Variants in SLC17A6 observed in about 807,000 individuals in gnomAD.
The protein encoded by SLC17A6 is vesicular glutamate transporter 2.
SLC17A6 carries 35 observed loss-of-function variants against 67.1 expected under a neutral mutation model. The observed-to-expected ratio is 0.52, with a 90% CI of 0.40 to 0.69. SLC17A6 has a LOEUF of 0.69. Among genes scored for constraint, SLC17A6 ranks in the 30% least tolerant of loss-of-function variants. The pLI is 0.00. For missense variants in SLC17A6, 588 were observed against 723.9 expected, an observed-to-expected ratio of 0.81 and a Z score of 2.15; for synonymous variants, 285 against 252.3, an observed-to-expected ratio of 1.13 and a Z score of -1.23.
chr11:22,369,937 T>C, intron 7 of SLC17A6, 102 bp from the exon 8 acceptor site: 2 of 1,073,064 alleles, frequency 1.9e-6, no homozygotes, highest in Non-Finnish European at 2.7e-6. Context: ...TTCCTACTTA[T>C]GACCTGTCAT....
chr11:22,350,341 T>C (rs1186176955), intron 3 of SLC17A6, among the ~76,000 whole-genome samples: 5 of 152,036 alleles, frequency 3.3e-5, no homozygotes. Context: ...TTTCATACTG[T>C]AAAAGAAGGG....
chr11:22,346,865 T>C (rs539585552), intron 3 of SLC17A6, among the ~76,000 whole-genome samples: 2 of 149,104 alleles, frequency 1.3e-5, no homozygotes, highest in Non-Finnish European at 3.0e-5. Context: ...ATATACATTT[T>C]TTTTGCAAAA....
rs76229639 is a variant in SLC17A6, at chr11:22,376,709, C to T, written c.1413+37C>T. The T allele has an allele frequency of 4.0e-3, 6,412 of 1,607,182 alleles. 255 individuals carry two copies. The East Asian group carries it at 0.097, about 24-fold the overall frequency. The stretch of plus-strand genomic sequence containing the variant: ...AAAACAGATGTTTAGTCATAGAAGA[C>T]AGTTTCTCAAAATGATAATCTTTTT... On this transcript the variant is annotated intron_variant, in intron 11 of 11. Coordinates refer to ENST00000263160, the MANE Select transcript of SLC17A6 (RefSeq NM_020346.3).
chr11:22,375,569 C>T (rs1003516519), intron 9 of SLC17A6, among the ~76,000 whole-genome samples: 1 of 151,736 alleles, frequency 6.6e-6, no homozygotes. Flanking sequence ...CAACCCCCGC[C>T]TCCCGGGTTC....
Position 22,365,532 on chromosome 11 carries a change from A to G in SLC17A6, c.749-15A>G, listed in dbSNP as rs547121217. On this transcript the variant is annotated splice_polypyrimidine_tract_variant and intron_variant, in intron 6 of 11. Coordinates refer to ENST00000263160, the MANE Select transcript of SLC17A6 (RefSeq NM_020346.3). Reference sequence around the variant, plus strand: ...AAATGGAAGTGACTTTCTCCTTCTGAACTGTTGCTTGCAGGAAGCTTTGGA... The same window carrying G: ...AAATGGAAGTGACTTTCTCCTTCTGGACTGTTGCTTGCAGGAAGCTTTGGA... 5.3e-5 allele frequency: 85 copies of G among 1,613,758 alleles called. 1 individual carries two copies. The South Asian group carries it at 9.0e-4, about 17-fold the overall frequency.
intron 3 of SLC17A6, among the ~76,000 whole-genome samples, chr11:22,349,752 G>A (rs1445878540): frequency 6.6e-6 from 1 of 152,146 alleles, no homozygotes; most frequent in Admixed American, 6.5e-5. Flanking sequence ...ATGTATCAAG[G>A]GACTCAGAGG....
chr11:22,355,189 A>G (rs983596456), intron 3 of SLC17A6, among the ~76,000 whole-genome samples: 6 of 152,212 alleles, frequency 3.9e-5, no homozygotes, highest in East Asian at 1.9e-4. Context: ...TCACTCAGTA[A>G]TAAGTGTCAG....
At chr11:22,344,725 T>C (rs887739694) in intron 3 of SLC17A6, among the ~76,000 whole-genome samples, 1 of 152,234 alleles carries the variant, frequency 6.6e-6, no homozygotes, top group Non-Finnish European at 1.5e-5. Context: ...GGACACTTGA[T>C]GAAACTCATT....
intron 3 of SLC17A6, among the ~76,000 whole-genome samples, chr11:22,359,188 T>A (rs1040317379): frequency 3.3e-5 from 5 of 152,228 alleles, no homozygotes; most frequent in African/African-American, 1.2e-4. Flanking sequence ...TATTGACTCC[T>A]TTTATTTTTT....
chr11:22,356,561 A>G lies in SLC17A6; in HGVS notation c.459-2852A>G, dbSNP rs1007123200. ...AGATAAAGAAATTAAGAGACCAGGCATGGTGGCTCACACCTCTAATCTCAG... is the reference window on the plus strand; with the variant it reads ...AGATAAAGAAATTAAGAGACCAGGCGTGGTGGCTCACACCTCTAATCTCAG... On this transcript the variant is annotated intron_variant, in intron 3 of 11. Transcript: ENST00000263160. Among the ~76,000 whole-genome samples, 5 of 152,216 alleles carry G rather than the reference A, an allele frequency of 3.3e-5. 1 individual carries two copies. The highest frequency in any genetic ancestry group is 2.6e-4 in the Admixed American group (4 of 15,280).
At chr11:22,352,380 G>C (rs145026755) in intron 3 of SLC17A6, among the ~76,000 whole-genome samples, 33 of 152,270 alleles carry the variant, frequency 2.2e-4, no homozygotes, top group Admixed American at 2.1e-3. Flanking sequence ...GAATTGATAG[G>C]ATACCCAGAA....
At chr11:22,362,880 A>C (rs567193661) in intron 6 of SLC17A6, 55 bp downstream of exon 6, 2 of 1,353,650 alleles carry the variant, frequency 1.5e-6, no homozygotes, top group African/African-American at 1.4e-5. Context: ...GGCTAAAAGA[A>C]AATGGTTGCA....
rs554221575 is a variant in SLC17A6, at chr11:22,345,666, A to T, written c.458+2301A>T. ...CATGAACCTATAGAAAATTATAGAG[A>T]TCAACTACCTTATCTTGCCTGAAGA... is the stretch of plus-strand genomic sequence containing the variant. On this transcript the variant is annotated intron_variant, in intron 3 of 11. Coordinates refer to ENST00000263160, the MANE Select transcript of SLC17A6 (RefSeq NM_020346.3). Among the ~76,000 whole-genome samples the T allele has an allele frequency of 8.5e-5, 13 of 152,308 alleles. 1 individual carries two copies. The South Asian group carries it at 2.7e-3, about 32-fold the overall frequency.
At chr11:22,374,017 C>T (rs937673189) in intron 8 of SLC17A6, among the ~76,000 whole-genome samples, 3 of 152,170 alleles carry the variant, frequency 2.0e-5, no homozygotes, top group Admixed American at 6.5e-5. Flanking sequence ...ATTAAGTCCA[C>T]GTATGCGGTA....
intron 7 of SLC17A6, among the ~76,000 whole-genome samples, chr11:22,368,757 A>C (rs887415528): frequency 3.3e-5 from 5 of 152,002 alleles, no homozygotes; most frequent in African/African-American, 1.2e-4. Flanking sequence ...ACGCATCTGG[A>C]ATTATTTTCC....
At chr11:22,341,175 T>A (rs1796294562) in intron 1 of SLC17A6, among the ~76,000 whole-genome samples, 1 of 152,190 alleles carries the variant, frequency 6.6e-6, no homozygotes, top group South Asian at 2.1e-4. Context: ...TGGTAACCCC[T>A]GCCCTCACAA....
intron 3 of SLC17A6, among the ~76,000 whole-genome samples, chr11:22,358,354 A>T (rs1299912119): frequency 2.0e-5 from 3 of 152,174 alleles, no homozygotes; most frequent in African/African-American, 7.2e-5. Flanking sequence ...TTTGAGACAG[A>T]ATCTCACACT....
At chr11:22,358,548 T>C (rs1856015543) in intron 3 of SLC17A6, among the ~76,000 whole-genome samples, 1 of 152,172 alleles carries the variant, frequency 6.6e-6, no homozygotes, top group African/African-American at 2.4e-5. Context: ...GCCAGACTGG[T>C]TTTGAGATCC....
chr11:22,341,382 G>A (rs1855813560), intron 1 of SLC17A6, 146 bp from the exon 2 acceptor site: 2 of 1,217,952 alleles, frequency 1.6e-6, no homozygotes, highest in Non-Finnish European at 2.3e-6. Flanking sequence ...GCAGCTTGGT[G>A]TCACCCCACC....
Sources: gnomAD v4.1 joint callset for allele counts (sites outside exome capture counted in the v4.1 genomes callset) on GRCh38, gnomAD v4.1.1 for gene constraint, MANE v1.5 for transcripts, NCBI Gene and HGNC (gene_info 2026-07-23, HGNC 2026-07-21) for gene names.